Variants in ASNS observed in about 807,000 individuals in gnomAD.
ASNS encodes asparagine synthetase (glutamine-hydrolyzing).
Under a neutral mutation model 62.6 loss-of-function variants are expected in ASNS, and 37 were observed. The ratio of observed to expected loss-of-function variants is 0.59; its 90% CI spans 0.45 to 0.78. The LOEUF is 0.78. Among genes scored for constraint, ASNS ranks in the 30% least tolerant of loss-of-function variants. ASNS has a pLI of 0.00. For synonymous variants in ASNS, 207 were observed against 237.9 expected (o/e 0.87, Z 1.19); for missense variants, 520 against 682.4 (o/e 0.76, Z 2.65).
At chr7:97,909,147 C>T in the ASNS span, 1 of 152,130 alleles carries the variant, frequency 6.6e-6, no homozygotes, top group Non-Finnish European at 1.5e-5. Context: ...GACACCAAGT[C>T]CCCATCTCAT....
intron 4 of ASNS, among the ~76,000 whole-genome samples, chr7:97,860,488 C>CAT (rs925188686): frequency 1.7e-4 from 26 of 152,134 alleles, no homozygotes; most frequent in Non-Finnish European, 3.1e-4. Context: ...TGGCAACTGA[C>CAT]ATATATATAT....
the ASNS span, among the ~76,000 whole-genome samples, chr7:97,922,107 G>A: frequency 6.6e-6 from 1 of 152,192 alleles, no homozygotes. Flanking sequence ...GCTCATGCCT[G>A]TAATCCCAGC....
chr7:97,858,540 A>G, intron 6 of ASNS, 135 bp from the exon 7 acceptor site: 1 of 1,141,154 alleles, frequency 8.8e-7, no homozygotes, highest in Non-Finnish European at 1.2e-6. Flanking sequence ...ATAAACTGAA[A>G]TCAACTTCAA....
chr7:97,920,011 C>CTTTT, the ASNS span, among the ~76,000 whole-genome samples: 2 of 143,222 alleles, frequency 1.4e-5, no homozygotes, highest in South Asian at 2.2e-4. Context: ...CTTGTCCTGA[C>CTTTT]TTTTTTTTTT....
chr7:97,860,667 G>A (rs1791671242), intron 4 of ASNS, among the ~76,000 whole-genome samples: 1 of 152,132 alleles, frequency 6.6e-6, no homozygotes, highest in African/African-American at 2.4e-5. Context: ...TTTAAAGAAT[G>A]GCAAAAAGAG....
the ASNS span, chr7:97,906,296 A>G: frequency 4.8e-6 from 2 of 420,334 alleles, no homozygotes; most frequent in Admixed American, 2.9e-5. Context: ...TAGCAAAACC[A>G]TCTCTTGAGT....
chr7:97,886,724 C>T, the ASNS span, among the ~76,000 whole-genome samples: 10 of 152,078 alleles, frequency 6.6e-5, no homozygotes, highest in Non-Finnish European at 1.3e-4. Flanking sequence ...GGATCTTCTA[C>T]TCTGGAGGCT....
chr7:97,922,083 G>A, the ASNS span, among the ~76,000 whole-genome samples: 4 of 152,134 alleles, frequency 2.6e-5, no homozygotes, highest in East Asian at 1.9e-4. Context: ...AGTTGAACTC[G>A]GCCAGGCATG....
At chr7:97,875,697 T>A (rs1321367054), upstream of ASNS, among the ~76,000 whole-genome samples, 1 of 152,220 alleles carries the variant, frequency 6.6e-6, no homozygotes, top group African/African-American at 2.4e-5. Context: ...GAGCAACTTC[T>A]CTGTGCTTGG....
At chr7:97,892,347 A>C in the ASNS span, among the ~76,000 whole-genome samples, 1 of 152,326 alleles carries the variant, frequency 6.6e-6, no homozygotes, top group African/African-American at 2.4e-5. Flanking sequence ...GCTGCCATGA[A>C]GACCTGTGAC....
the ASNS span, among the ~76,000 whole-genome samples, chr7:97,903,814 A>G: frequency 6.6e-6 from 1 of 152,250 alleles, no homozygotes; most frequent in Non-Finnish European, 1.5e-5. Context: ...CAGTTACACT[A>G]AATCCAATTC....
the ASNS span, among the ~76,000 whole-genome samples, chr7:97,917,384 G>A: frequency 6.6e-6 from 1 of 152,200 alleles, no homozygotes; most frequent in Non-Finnish European, 1.5e-5. Flanking sequence ...GCCTTACAGA[G>A]TCAAGGGCTG....
chr7:97,878,708 GC>G, the ASNS span, among the ~76,000 whole-genome samples: 1 of 152,100 alleles, frequency 6.6e-6, no homozygotes, highest in East Asian at 1.9e-4. Flanking sequence ...TGTGAAAATG[GC>G]CATACTGCCC....
At chr7:97,915,807 G>A in the ASNS span, among the ~76,000 whole-genome samples, 158 of 152,266 alleles carry the variant, frequency 1.0e-3, no homozygotes, top group African/African-American at 3.7e-3. Context: ...GAGAACAAGT[G>A]AACATGTGGA....
the ASNS span, among the ~76,000 whole-genome samples, chr7:97,883,335 C>T: frequency 6.6e-6 from 1 of 152,150 alleles, no homozygotes; most frequent in South Asian, 2.1e-4. Context: ...CATTCCTCTT[C>T]ACAAAGGGAC....
At chr7:97,896,430 A>G in the ASNS span, among the ~76,000 whole-genome samples, 4 of 149,462 alleles carry the variant, frequency 2.7e-5, no homozygotes, top group Admixed American at 2.7e-4. Context: ...CTACTAAAAA[A>G]AAAAAAACAA....
chr7:97,855,378 G>T lies in ASNS; in HGVS notation c.1112C>A (p.Thr371Lys). Residue 371 changes from threonine to lysine, a missense_variant, in exon 9 of 13, where the codon ACG (threonine) becomes AAG (lysine). Physicochemically the swap from Thr to Lys is moderately conservative, Grantham distance 78. Transcript: ENST00000394308. Reference protein sequence around the residue: ...IFSGEGSDELTQGYIYFHKAP... With the variant: ...IFSGEGSDELKQGYIYFHKAP... ...CTTGTGAAAATATATGTAACCCTGCGTAAGTTCATCTGATCCTTCTCCAGA... is the reference window on the plus strand; with the variant it reads ...CTTGTGAAAATATATGTAACCCTGCTTAAGTTCATCTGATCCTTCTCCAGA... 1 of 1,612,488 alleles carries T rather than the reference G, an allele frequency of 6.2e-7. No homozygotes were observed. The highest frequency in any genetic ancestry group is 8.5e-7 in the Non-Finnish European group (1 of 1,179,250).
chr7:97,910,505 G>A, the ASNS span, among the ~76,000 whole-genome samples: 1 of 152,068 alleles, frequency 6.6e-6, no homozygotes, highest in Non-Finnish European at 1.5e-5. Context: ...TTGAACCTGC[G>A]CTGAAAGGCA....
chr7:97,856,610 C>A, intron 8 of ASNS, 80 bp downstream of exon 8: 1 of 1,263,980 alleles, frequency 7.9e-7, no homozygotes, highest in Admixed American at 2.5e-5. Flanking sequence ...AAAACTATGG[C>A]TTGAAATAAT....
Sources: gnomAD v4.1 joint callset for allele counts (sites outside exome capture counted in the v4.1 genomes callset) on GRCh38, gnomAD v4.1.1 for gene constraint, MANE v1.5 for transcripts, NCBI Gene and HGNC (gene_info 2026-07-23, HGNC 2026-07-21) for gene names.